Variants in SLC24A3 observed in about 807,000 individuals in gnomAD.
The protein encoded by SLC24A3 is solute carrier family 24 member 3.
SLC24A3 carries 28 observed loss-of-function variants against 75.8 expected under a neutral mutation model. The ratio of observed to expected loss-of-function variants is 0.37; its 90% confidence interval spans 0.27 to 0.51. The LOEUF (loss-of-function observed/expected upper bound fraction) is 0.51, where lower values mean the gene tolerates loss of function less well. Among genes scored for constraint, SLC24A3 ranks in the 20% least tolerant of loss-of-function variants. SLC24A3 has a pLI of 0.94. For missense variants in SLC24A3, 663 were observed against 847.8 expected (o/e 0.78, Z 2.71); for synonymous variants, 372 against 334.1 (o/e 1.11, Z -1.24).
intron 6 of SLC24A3, among the ~76,000 whole-genome samples, chr20:19,597,830 T>C (rs1295879304): frequency 6.6e-6 from 1 of 152,218 alleles, no homozygotes. Flanking sequence ...GATATTTGTC[T>C]TTCTGTGCCT....
At chr20:19,650,948 T>G (rs2032195839) in intron 6 of SLC24A3, among the ~76,000 whole-genome samples, 1 of 152,220 alleles carries the variant, frequency 6.6e-6, no homozygotes, top group African/African-American at 2.4e-5. Flanking sequence ...TGTAGTCTTC[T>G]GAGTCACTCC....
intron 6 of SLC24A3, among the ~76,000 whole-genome samples, chr20:19,641,105 A>G (rs759802335): frequency 6.6e-6 from 1 of 152,226 alleles, no homozygotes; most frequent in South Asian, 2.1e-4. Flanking sequence ...TTAGTGCCAC[A>G]CCATAAAAGA....
intron 2 of SLC24A3, among the ~76,000 whole-genome samples, chr20:19,300,663 A>C (rs908480073): frequency 6.6e-6 from 1 of 152,100 alleles, no homozygotes; most frequent in Non-Finnish European, 1.5e-5. Flanking sequence ...TCCATCACTC[A>C]CTTCCTTCCT....
chr20:19,262,043 T>C (rs1280793868), intron 1 of SLC24A3, among the ~76,000 whole-genome samples: 1 of 152,076 alleles, frequency 6.6e-6, no homozygotes, highest in Admixed American at 6.5e-5. Flanking sequence ...TTAGCATCAT[T>C]CCCAAAGAAG....
intron 1 of SLC24A3, among the ~76,000 whole-genome samples, chr20:19,217,083 A>G (rs964228958): frequency 2.0e-5 from 3 of 152,260 alleles, no homozygotes; most frequent in African/African-American, 4.8e-5. Flanking sequence ...CCCTGAGAGC[A>G]TGACATCTGG....
At chr20:19,479,912 A>C (rs1417121818) in intron 2 of SLC24A3, among the ~76,000 whole-genome samples, 1 of 152,232 alleles carries the variant, frequency 6.6e-6, no homozygotes, top group Admixed American at 6.5e-5. Flanking sequence ...AGAAAATTTT[A>C]AAGGGCCTTG....
At chr20:19,218,651 C>T (rs985005535) in intron 1 of SLC24A3, among the ~76,000 whole-genome samples, 5 of 151,516 alleles carry the variant, frequency 3.3e-5, no homozygotes, top group African/African-American at 4.8e-5. Context: ...AGATTTTTCT[C>T]AAAGATTTCC....
intron 2 of SLC24A3, among the ~76,000 whole-genome samples, chr20:19,309,581 CGCTGGCCTAGA>C (rs1568585489): frequency 2.0e-5 from 3 of 152,156 alleles, no homozygotes; most frequent in African/African-American, 7.2e-5. Context: ...TTTTGGAAAA[CGCTGGCCTAGA>C]GCTTCTATTT....
chr20:19,684,444 A>G (rs1394898127), intron 11 of SLC24A3, 108 bp downstream of exon 11: 2 of 1,263,574 alleles, frequency 1.6e-6, no homozygotes, highest in Admixed American at 2.4e-5. Flanking sequence ...AAAGTTTAAC[A>G]CCGCAGCATC....
At chr20:19,335,981 C>G (rs1369186573) in intron 2 of SLC24A3, among the ~76,000 whole-genome samples, 3 of 152,198 alleles carry the variant, frequency 2.0e-5, no homozygotes, top group Non-Finnish European at 1.5e-5. Flanking sequence ...TTTCTTAACA[C>G]AACATCTCTG....
intron 9 of SLC24A3, among the ~76,000 whole-genome samples, chr20:19,680,974 T>C (rs2032607816): frequency 6.6e-6 from 1 of 152,152 alleles, no homozygotes; most frequent in African/African-American, 2.4e-5. Context: ...GGCTGTCCCA[T>C]GGCCAGTAAA....
chr20:19,361,548 A>T (rs576537843), intron 2 of SLC24A3, among the ~76,000 whole-genome samples: 1 of 152,324 alleles, frequency 6.6e-6, no homozygotes, highest in South Asian at 2.1e-4. Context: ...CTTTATTTTG[A>T]TAGAGCTTTG....
intron 1 of SLC24A3, among the ~76,000 whole-genome samples, chr20:19,224,023 A>G (rs1172645632): frequency 6.6e-6 from 1 of 152,138 alleles, no homozygotes; most frequent in East Asian, 1.9e-4. Context: ...TTTCCATTTA[A>G]TATTTTTGGA....
intron 2 of SLC24A3, among the ~76,000 whole-genome samples, chr20:19,285,995 T>C (rs1396734149): frequency 6.6e-6 from 1 of 152,216 alleles, no homozygotes; most frequent in Non-Finnish European, 1.5e-5. Context: ...GAGTGCTTTT[T>C]CCAAATAAAC....
chr20:19,348,099 A>G (rs1265094372), intron 2 of SLC24A3, among the ~76,000 whole-genome samples: 1 of 152,226 alleles, frequency 6.6e-6, no homozygotes, highest in Non-Finnish European at 1.5e-5. Context: ...GCAGGTCACA[A>G]CAAGGTGGCA....
intron 3 of SLC24A3, among the ~76,000 whole-genome samples, chr20:19,538,367 A>G (rs1311305076): frequency 6.6e-6 from 1 of 152,258 alleles, no homozygotes; most frequent in Non-Finnish European, 1.5e-5. Flanking sequence ...AGATAGAGAC[A>G]TCCAATAAAG....
In SLC24A3 at chr20:19,212,823, C is replaced by T. The variant is rs1366378161; in HGVS notation, c.-20C>T. The T allele has an allele frequency of 1.0e-6, 1 of 984,078 alleles. No homozygotes were observed. Among genetic ancestry groups the T allele is most frequent in the Non-Finnish European group, 1.2e-6 (1 of 830,496 alleles). The allele number at this position is 984,078 out of a possible 1,614,324, so 61.0% of individuals were successfully genotyped here. On this transcript the variant is annotated 5_prime_UTR_variant, in exon 1 of 17. Coordinates refer to ENST00000328041, the MANE Select transcript of SLC24A3 (RefSeq NM_020689.4). ...AGGAGCGGCCGCCGCCCGCCGAGGC[C>T]GCCGCCCGGCCGCCCGAGGATGCGG...
intron 2 of SLC24A3, among the ~76,000 whole-genome samples, chr20:19,331,177 T>G (rs1256412149): frequency 2.0e-5 from 3 of 152,110 alleles, no homozygotes. Flanking sequence ...TGGACAGAAG[T>G]TTAGATAAAA....
Position 19,681,936 on chromosome 20 carries a change from T to A in SLC24A3, c.846T>A (p.Asn282Lys). The change falls in exon 10 of 17, where the codon AAT (asparagine) becomes AAA (lysine). Residue 282 changes from asparagine to lysine, a missense_variant. Physicochemically the swap from Asn to Lys is moderately conservative, Grantham distance 94. Coordinates refer to ENST00000328041, the MANE Select transcript of SLC24A3 (RefSeq NM_020689.4). ...AGNMVNGLAN[N>K]AEIDDSSNCD... ...ACATGGTCAACGGATTGGCCAACAA[T>A]GCTGAAATTGATGACAGCAGCAACT... The A allele has an allele frequency of 6.2e-7, 1 of 1,614,188 alleles. No individual in the cohort carries two copies. Among genetic ancestry groups the A allele is most frequent in the East Asian group, 2.2e-5 (1 of 44,878 alleles).
Sources: gnomAD v4.1 joint callset for allele counts (sites outside exome capture counted in the v4.1 genomes callset) on GRCh38, gnomAD v4.1.1 for gene constraint, MANE v1.5 for transcripts, NCBI Gene and HGNC (gene_info 2026-07-23, HGNC 2026-07-21) for gene names.